The following GFRA1 variants were observed in gnomAD, a reference collection of about 807,000 sequenced individuals.
GFRA1 encodes GDNF family receptor alpha-1.
In GFRA1, 16 loss-of-function variants were observed where a neutral mutation model predicts 51.6. That is an observed-to-expected ratio of 0.31 (90% CI 0.21 to 0.47). GFRA1 has a LOEUF of 0.47. Ranked by LOEUF, GFRA1 falls within the 20% of genes least tolerant of loss-of-function variation. The pLI is 1.00. For missense variants in GFRA1, 530 were observed against 594.3 expected (o/e 0.89, Z 1.13); for synonymous variants, 270 against 241.3 (o/e 1.12, Z -1.10).
Position 116,272,390 on chromosome 10 carries a change from G to A in GFRA1, c.-246-115C>T, listed in dbSNP as rs771230827. ...GGGGAATTTCCAACACCGGGGTGAG[G>A]ACCCACCCCCACCCAGGTCGGGGTG... On this transcript the variant is annotated intron_variant, in intron 1 of 10. Transcript: ENST00000355422. The surrounding 1 kb of genome is among the most constrained non-coding windows in gnomAD (Gnocchi z 4.4). 2.2e-5 allele frequency: 9 copies of A among 400,670 alleles called. No homozygotes were observed. The highest frequency in any genetic ancestry group is 4.2e-5 in the Non-Finnish European group (9 of 214,594). 24.8% of individuals were successfully genotyped at this position (400,670 alleles called of 1,614,324 possible). A position where few individuals can be genotyped will look rare whatever the true frequency, so the allele number is the denominator to read the frequency against.
chr10:116,213,770 T>C (rs1965368976), intron 4 of GFRA1, among the ~76,000 whole-genome samples: 1 of 152,142 alleles, frequency 6.6e-6, no homozygotes, highest in Non-Finnish European at 1.5e-5. Context: ...TCACTCCACT[T>C]GGGCACACAT....
At chr10:116,093,962 T>C (rs1956468228) in intron 7 of GFRA1, 126 bp from the exon 8 acceptor site, 1 of 867,406 alleles carries the variant, frequency 1.2e-6, no homozygotes, top group Non-Finnish European at 1.9e-6. Flanking sequence ...ATTTGCTGAG[T>C]GGGAAATTAT....
rs1306369847 is a variant in GFRA1, at chr10:116,093,573, G to GCAGGCACAAGGTACAAGAGGTA, written c.1015+107_1015+128dup. On this transcript the variant is annotated intron_variant, in intron 8 of 10. Coordinates refer to ENST00000355422, the MANE Select transcript of GFRA1 (RefSeq NM_005264.8). ...GGAGAAAGACAGACAGAGAGAGGAA[G>GCAGGCACAAGGTACAAGAGGTA]CAGGCACAAGGTACAAGAGGTACAG... The GCAGGCACAAGGTACAAGAGGTA allele has an allele frequency of 5.5e-4, 445 of 802,146 alleles. 2 individuals are homozygous for GCAGGCACAAGGTACAAGAGGTA. Among genetic ancestry groups the GCAGGCACAAGGTACAAGAGGTA allele is most frequent in the Middle Eastern group, 3.5e-4 (1 of 2,824 alleles). 49.7% of individuals were successfully genotyped at this position (802,146 alleles called of 1,614,324 possible). A position where few individuals can be genotyped will look rare whatever the true frequency, so the allele number is the denominator to read the frequency against.
intron 5 of GFRA1, among the ~76,000 whole-genome samples, chr10:116,142,588 G>T (rs1179386029): frequency 6.6e-6 from 1 of 152,214 alleles, no homozygotes; most frequent in African/African-American, 2.4e-5. Context: ...CTAAAAATTT[G>T]AATTAATATG....
At chr10:116,138,970 T>C (rs571768957) in intron 5 of GFRA1, among the ~76,000 whole-genome samples, 1 of 152,186 alleles carries the variant, frequency 6.6e-6, no homozygotes, top group Admixed American at 6.5e-5. Flanking sequence ...AGGACCTCCA[T>C]TGCATCTCTG....
At chr10:116,169,175 T>G (rs561135558) in intron 5 of GFRA1, among the ~76,000 whole-genome samples, 3 of 152,346 alleles carry the variant, frequency 2.0e-5, no homozygotes, top group African/African-American at 7.2e-5. Flanking sequence ...GACAAGAATC[T>G]GACAAACTCA....
At chr10:116,227,828 A>G (rs1966407188) in intron 4 of GFRA1, among the ~76,000 whole-genome samples, 1 of 152,232 alleles carries the variant, frequency 6.6e-6, no homozygotes, top group Non-Finnish European at 1.5e-5. Flanking sequence ...ACCAAGTATC[A>G]TGCTTGTTGT....
intron 5 of GFRA1, among the ~76,000 whole-genome samples, chr10:116,128,869 G>A (rs185651255): frequency 6.6e-6 from 1 of 151,644 alleles, no homozygotes; most frequent in Non-Finnish European, 1.5e-5. Flanking sequence ...TTTTTAAAAA[G>A]GCTTTGTACA....
In GFRA1 at chr10:116,119,345, T is replaced by C. The variant is rs138105587; in HGVS notation, c.770+5876A>G. Among the ~76,000 whole-genome samples, 16 of 152,284 alleles carry C rather than the reference T, an allele frequency of 1.1e-4. No individual in the cohort carries two copies. In the East Asian group the frequency reaches 3.1e-3, roughly 29 times the overall value. On this transcript the variant is annotated intron_variant, in intron 6 of 10. Coordinates refer to ENST00000355422, the MANE Select transcript of GFRA1 (RefSeq NM_005264.8). ...GCAGGCAGCTCGTGCAGGTGGGGCATATTAAAAACGAGCCATTCAGCACTC... is the reference window on the plus strand; with the variant it reads ...GCAGGCAGCTCGTGCAGGTGGGGCACATTAAAAACGAGCCATTCAGCACTC...
At chr10:116,235,545 C>A (rs1966857354) in intron 4 of GFRA1, among the ~76,000 whole-genome samples, 1 of 152,120 alleles carries the variant, frequency 6.6e-6, no homozygotes, top group South Asian at 2.1e-4. Flanking sequence ...TGTGACTGCC[C>A]CACATTGGGT....
chr10:116,074,829 T>C (rs74158562), intron 9 of GFRA1, among the ~76,000 whole-genome samples: 2,040 of 152,274 alleles, frequency 0.013, 41 homozygotes, highest in African/African-American at 0.044. Flanking sequence ...TTCAAGAACA[T>C]GCAGAACCTA....
rs1443669249 is a variant in GFRA1, at chr10:116,063,670, G to A, written c.*728C>T. 2.6e-5 allele frequency: 4 copies of A among 152,236 alleles called. No homozygotes were observed. The highest frequency in any genetic ancestry group is 5.9e-5 in the Non-Finnish European group (4 of 68,144). 9.4% of individuals were successfully genotyped at this position (152,236 alleles called of 1,614,324 possible). A position where few individuals can be genotyped will look rare whatever the true frequency, so the allele number is the denominator to read the frequency against. ...TCAGGTAAGGCTTAGGATTAGGAGA[G>A]TGTCGTTCAGGGATTGAGGTATTGA... On this transcript the variant is annotated 3_prime_UTR_variant, in exon 11 of 11. Transcript: ENST00000355422.
intron 5 of GFRA1, among the ~76,000 whole-genome samples, chr10:116,134,587 T>A (rs907739744): frequency 2.6e-5 from 4 of 152,258 alleles, no homozygotes; most frequent in African/African-American, 9.6e-5. Flanking sequence ...TTGTCATTCG[T>A]ACACTGTTTC....
At chr10:116,124,226 C>A (rs1957761090) in intron 6 of GFRA1, among the ~76,000 whole-genome samples, 1 of 147,596 alleles carries the variant, frequency 6.8e-6, no homozygotes, top group African/African-American at 2.5e-5. Flanking sequence ...TTTTCTTCTT[C>A]TTCTTCTTCT....
intron 4 of GFRA1, among the ~76,000 whole-genome samples, chr10:116,227,191 C>T (rs1273964459): frequency 3.9e-5 from 6 of 152,274 alleles, no homozygotes; most frequent in Admixed American, 2.0e-4. Flanking sequence ...TATGTCTGTA[C>T]CCAAAGAGAG....
At chr10:116,267,939 T>TG (rs1969794558) in intron 4 of GFRA1, among the ~76,000 whole-genome samples, 1 of 74,164 alleles carries the variant, frequency 1.3e-5, no homozygotes, top group African/African-American at 5.2e-5. Flanking sequence ...ACTGACAGAC[T>TG]AACACACACA....
chr10:116,196,140 T>C (rs553663360), intron 5 of GFRA1, among the ~76,000 whole-genome samples: 138 of 151,464 alleles, frequency 9.1e-4, no homozygotes, highest in African/African-American at 3.2e-3. Context: ...CAGTGTTGAC[T>C]ACTGTATTTG....
rs1964930621 is a variant in GFRA1, at chr10:116,208,246, A to G, written c.433+3385T>C. 2.6e-5 allele frequency among the ~76,000 whole-genome samples: 4 copies of G among 151,982 alleles called. No individual in the cohort carries two copies. In the South Asian group the frequency reaches 8.3e-4, roughly 32 times the overall value. The stretch of plus-strand genomic sequence containing the variant: ...GTCATTCTCTGGCCACTCCTTCTGC[A>G]GTGGTCCTAGTAGCCACTGGCACAT... On this transcript the variant is annotated intron_variant, in intron 5 of 10. Transcript: ENST00000355422.
At chr10:116,208,831 G>A (rs1964979998) in intron 5 of GFRA1, among the ~76,000 whole-genome samples, 1 of 152,218 alleles carries the variant, frequency 6.6e-6, no homozygotes, top group African/African-American at 2.4e-5. Flanking sequence ...ATTAGTAAAT[G>A]ATTGGTATTA....
Sources: gnomAD v4.1 joint callset for allele counts (sites outside exome capture counted in the v4.1 genomes callset) on GRCh38, gnomAD v4.1.1 for gene constraint, Gnocchi (gnomAD v3.1) non-coding constraint, MANE v1.5 for transcripts, NCBI Gene and HGNC (gene_info 2026-07-23, HGNC 2026-07-21) for gene names.